Variants in ANO4 observed in about 807,000 individuals in gnomAD.
The protein encoded by ANO4 is anoctamin-4.
ANO4 carries 69 observed loss-of-function variants against 141.9 expected under a neutral mutation model. That is an observed-to-expected ratio of 0.49 (90% CI 0.40 to 0.59). The LOEUF (loss-of-function observed/expected upper bound fraction) is 0.59, where lower values mean the gene tolerates loss of function less well. Among genes scored for constraint, ANO4 ranks in the 20% least tolerant of loss-of-function variants. ANO4 has a pLI of 0.00. For synonymous variants in ANO4, 350 were observed against 394.3 expected (o/e 0.89, Z 1.33); for missense variants, 894 against 1,162.2 (o/e 0.77, Z 3.36).
At chr12:100,878,308 T>C (rs898227270) in intron 1 of ANO4, among the ~76,000 whole-genome samples, 3 of 152,204 alleles carry the variant, frequency 2.0e-5, no homozygotes, top group African/African-American at 4.8e-5. Context: ...CTAAGAATTA[T>C]AGTCCAGGGA....
intron 3 of ANO4, among the ~76,000 whole-genome samples, chr12:100,769,849 G>A (rs1010486774): frequency 1.3e-5 from 2 of 152,124 alleles, no homozygotes; most frequent in African/African-American, 2.4e-5. Context: ...ATAATAGTTG[G>A]TTATAAGATA....
intron 3 of ANO4, among the ~76,000 whole-genome samples, chr12:100,756,570 G>A (rs765201180): frequency 4.6e-5 from 7 of 151,992 alleles, no homozygotes; most frequent in South Asian, 2.1e-4. Flanking sequence ...GGCTGGCTTC[G>A]AACTCCTGAC....
chr12:101,068,802 C>T, intron 14 of ANO4: 2 of 1,193,660 alleles, frequency 1.7e-6, no homozygotes, highest in Non-Finnish European at 2.5e-6. Flanking sequence ...AGCCCACAGT[C>T]ATCAAAAAGT....
intron 3 of ANO4, among the ~76,000 whole-genome samples, chr12:100,781,192 A>G (rs1181367667): frequency 6.6e-6 from 1 of 152,146 alleles, no homozygotes; most frequent in African/African-American, 2.4e-5. Context: ...AATGTGCCAA[A>G]CTCTCTTAAA....
intron 3 of ANO4, among the ~76,000 whole-genome samples, chr12:100,786,276 A>G (rs1478458103): frequency 2.0e-5 from 3 of 152,190 alleles, no homozygotes; most frequent in African/African-American, 4.8e-5. Flanking sequence ...TGGTTATTGC[A>G]GTTATGAGCA....
chr12:100,909,074 C>T (rs1296669939), intron 2 of ANO4, among the ~76,000 whole-genome samples: 1 of 152,034 alleles, frequency 6.6e-6, no homozygotes, highest in Non-Finnish European at 1.5e-5. Flanking sequence ...ACAAGAGAAA[C>T]TAATCATTTA....
At chr12:100,724,247 GATA>G (rs557796795) in intron 1 of ANO4, among the ~76,000 whole-genome samples, 179 of 152,336 alleles carry the variant, frequency 1.2e-3, no homozygotes, top group African/African-American at 4.1e-3. Flanking sequence ...GGGACGCCGG[GATA>G]ATGAGCACCA....
intron 8 of ANO4, among the ~76,000 whole-genome samples, chr12:101,015,087 T>G (rs1200279039): frequency 6.6e-6 from 1 of 151,992 alleles, no homozygotes; most frequent in Non-Finnish European, 1.5e-5. Context: ...CCTCCCAAAG[T>G]GCTGGGATTG....
In ANO4 at chr12:100,826,178, CAG is replaced by C. The variant is rs1340483846; in HGVS notation, c.-141+31154_-141+31155del. Among the ~76,000 whole-genome samples, 3 of 151,684 alleles carry C rather than the reference CAG, an allele frequency of 2.0e-5. No individual in the cohort carries two copies. The East Asian group carries it at 5.8e-4, about 29-fold the overall frequency. The stretch of plus-strand genomic sequence containing the variant: ...TATTTATAAGCAAAAGACAGTGTAA[CAG>C]AGTGAAAAATTGAAATATGAAAAAT... On this transcript the variant is annotated intron_variant, in intron 1 of 27. Coordinates refer to ENST00000392977, the MANE Select transcript of ANO4 (RefSeq NM_001286615.2).
At position 100,740,071 on chromosome 12, in the gene ANO4, TAGCA is replaced by T; in HGVS notation, c.325_328del (p.Ser109AlafsTer5). 1.4e-6 allele frequency: 1 copy of T among 702,608 alleles called. No homozygotes were observed. The highest frequency in any genetic ancestry group is 1.5e-5 in the South Asian group (1 of 67,578). The allele number at this position is 702,608 out of a possible 1,614,324, so 43.5% of individuals were successfully genotyped here. A position where few individuals can be genotyped will look rare whatever the true frequency, so the allele number is the denominator to read the frequency against. On this transcript the variant is annotated frameshift_variant, in exon 3 of 30. Coordinates refer to the ANO4 transcript ENST00000644049. LOFTEE classifies it high-confidence loss of function. ...TCACTCCAGTGCCTTCTTACAGCAGTAGCAGCCAGGAAACCCTGAGTCAAGACAC... is the reference window on the plus strand; with the variant it reads ...TCACTCCAGTGCCTTCTTACAGCAGTGCCAGGAAACCCTGAGTCAAGACAC...
intron 22 of ANO4, among the ~76,000 whole-genome samples, chr12:101,108,375 T>C (rs189193679): frequency 3.3e-5 from 5 of 152,262 alleles, no homozygotes; most frequent in Admixed American, 2.0e-4. Context: ...TCTGCAGAAC[T>C]CTGGAGCTAC....
intron 1 of ANO4, among the ~76,000 whole-genome samples, chr12:100,811,099 A>T (rs2035402816): frequency 6.6e-6 from 1 of 152,212 alleles, no homozygotes; most frequent in South Asian, 2.1e-4. Context: ...CCCTGATAAT[A>T]CAAGAAATTG....
intron 3 of ANO4, among the ~76,000 whole-genome samples, chr12:100,760,306 G>C (rs560840798): frequency 2.7e-4 from 41 of 152,272 alleles, no homozygotes; most frequent in African/African-American, 9.1e-4. Context: ...CTCTCTGTTT[G>C]GAGTCATTAT....
intron 3 of ANO4, among the ~76,000 whole-genome samples, chr12:100,761,960 T>C (rs1243058726): frequency 6.6e-6 from 1 of 152,106 alleles, no homozygotes; most frequent in Non-Finnish European, 1.5e-5. Context: ...CCAGAGCTCA[T>C]AGTGGAAGAA....
intron 2 of ANO4, among the ~76,000 whole-genome samples, chr12:100,902,970 A>G (rs539111975): frequency 2.0e-5 from 3 of 152,252 alleles, no homozygotes; most frequent in South Asian, 2.1e-4. Context: ...CCTTCAGTCT[A>G]TGAAAAGGCT....
At chr12:101,059,120 CAT>C (rs2048245404) in intron 14 of ANO4, among the ~76,000 whole-genome samples, 1 of 152,316 alleles carries the variant, frequency 6.6e-6, no homozygotes, top group East Asian at 1.9e-4. Context: ...TTGAGATAAT[CAT>C]GTGGCTTTTG....
chr12:100,841,715 A>C (rs1429655812), intron 1 of ANO4, among the ~76,000 whole-genome samples: 2 of 152,200 alleles, frequency 1.3e-5, no homozygotes, highest in African/African-American at 4.8e-5. Context: ...ATATTAGTTT[A>C]AAATCATTGT....
chr12:101,073,065 C>T (rs1020133644), intron 14 of ANO4, among the ~76,000 whole-genome samples: 1 of 152,116 alleles, frequency 6.6e-6, no homozygotes, highest in Non-Finnish European at 1.5e-5. Flanking sequence ...ACCATTTGAC[C>T]CAGCAATCCC....
chr12:101,087,812 C>T (rs939516072), intron 17 of ANO4, among the ~76,000 whole-genome samples: 3 of 152,110 alleles, frequency 2.0e-5, no homozygotes, highest in Non-Finnish European at 4.4e-5. Flanking sequence ...CTACTGGACT[C>T]CTCTATTTCT....
Sources: gnomAD v4.1 joint callset for allele counts (sites outside exome capture counted in the v4.1 genomes callset) on GRCh38, gnomAD v4.1.1 for gene constraint, MANE v1.5 for transcripts, NCBI Gene and HGNC (gene_info 2026-07-23, HGNC 2026-07-21) for gene names.